Variants in TMTC2 observed in about 807,000 individuals in gnomAD.
TMTC2 encodes transmembrane O-mannosyltransferase targeting cadherins 2.
Under a neutral mutation model 82.4 loss-of-function variants are expected in TMTC2, and 43 were observed. The observed-to-expected ratio is 0.52, with a 90% CI of 0.41 to 0.67. The LOEUF is 0.67. TMTC2 is among the 30% of genes least tolerant of loss of function. The probability of loss-of-function intolerance (pLI) is 0.00; values close to 1 mark genes in which losing one functional copy is unlikely to be tolerated. For synonymous variants in TMTC2, 408 were observed against 381.9 expected (o/e 1.07, Z -0.80); for missense variants, 919 against 1,012.4 (o/e 0.91, Z 1.25).
intron 2 of TMTC2, among the ~76,000 whole-genome samples, chr12:82,882,396 T>C (rs143506675): frequency 9.8e-5 from 15 of 152,302 alleles, no homozygotes; most frequent in Middle Eastern, 3.4e-3. Flanking sequence ...AACTAAATAG[T>C]ACGTACCAAG....
chr12:82,928,411 T>C (rs1361288716), intron 3 of TMTC2, among the ~76,000 whole-genome samples: 2 of 152,196 alleles, frequency 1.3e-5, no homozygotes, highest in Non-Finnish European at 2.9e-5. Context: ...ACCTATGATA[T>C]CACGCCTATT....
chr12:82,926,132 C>G (rs545641694), intron 3 of TMTC2, among the ~76,000 whole-genome samples: 1 of 152,206 alleles, frequency 6.6e-6, no homozygotes, highest in South Asian at 2.1e-4. Flanking sequence ...AGGCGTGTGC[C>G]AACACACCCA....
chr12:82,807,295 G>A (rs1248373317), intron 1 of TMTC2, among the ~76,000 whole-genome samples: 1 of 152,090 alleles, frequency 6.6e-6, no homozygotes, highest in Non-Finnish European at 1.5e-5. Context: ...TTCCTTGACA[G>A]AAGACTGGAG....
At chr12:82,982,276 C>T (rs141820073) in intron 7 of TMTC2, among the ~76,000 whole-genome samples, 319 of 151,938 alleles carry the variant, frequency 2.1e-3, no homozygotes, top group Middle Eastern at 0.01. Context: ...TGTCTTCATT[C>T]ATAAAATGGG....
intron 1 of TMTC2, among the ~76,000 whole-genome samples, chr12:82,752,180 C>T (rs115102351): frequency 0.019 from 2,301 of 119,046 alleles, 64 homozygotes; most frequent in African/African-American, 0.066. Context: ...AAGGCTTTCT[C>T]GTTGCTTATA....
chr12:82,869,492 A>G (rs1872054000), intron 2 of TMTC2, among the ~76,000 whole-genome samples: 1 of 152,154 alleles, frequency 6.6e-6, no homozygotes, highest in Non-Finnish European at 1.5e-5. Flanking sequence ...ATATTTTTAT[A>G]GCTGGAATGG....
At chr12:83,000,542 C>T (rs1305162899) in intron 8 of TMTC2, among the ~76,000 whole-genome samples, 2 of 152,188 alleles carry the variant, frequency 1.3e-5, no homozygotes, top group African/African-American at 4.8e-5. Context: ...GCAGCTCCAC[C>T]CGTGTGACTG....
chr12:83,051,741 T>A (rs1882355206), intron 10 of TMTC2, among the ~76,000 whole-genome samples: 1 of 152,144 alleles, frequency 6.6e-6, no homozygotes, highest in South Asian at 2.1e-4. Flanking sequence ...CACTATTGCT[T>A]TGTCATGAAA....
chr12:82,930,624 A>G, intron 4 of TMTC2, 79 bp downstream of exon 4: 3 of 801,270 alleles, frequency 3.7e-6, no homozygotes, highest in Non-Finnish European at 4.1e-6. Flanking sequence ...ACTGCTGGAA[A>G]TGGAGATGAT....
intron 1 of TMTC2, among the ~76,000 whole-genome samples, chr12:82,779,166 C>A (rs189132661): frequency 1.3e-5 from 2 of 151,742 alleles, no homozygotes; most frequent in Non-Finnish European, 2.9e-5. Context: ...GGAATCCCAA[C>A]ATCACGGCAG....
At chr12:82,804,612 G>A (rs1879159393) in intron 1 of TMTC2, among the ~76,000 whole-genome samples, 1 of 151,888 alleles carries the variant, frequency 6.6e-6, no homozygotes, top group Admixed American at 6.6e-5. Context: ...ATATAAAAGG[G>A]CTTTCTACAA....
intron 2 of TMTC2, among the ~76,000 whole-genome samples, chr12:82,891,229 A>T (rs1873377649): frequency 6.6e-6 from 1 of 152,238 alleles, no homozygotes; most frequent in African/African-American, 2.4e-5. Context: ...TTTTAAGGCC[A>T]TCTCCACAAG....
chr12:82,819,497 C>CT (rs766912583), intron 1 of TMTC2, among the ~76,000 whole-genome samples: 4,751 of 118,156 alleles, frequency 0.04, 197 homozygotes, highest in African/African-American at 0.094. Flanking sequence ...TTCTCTCTTT[C>CT]TTTTTTTTTT....
chr12:82,951,162 T>C (rs1006938685), intron 4 of TMTC2, among the ~76,000 whole-genome samples: 6 of 152,258 alleles, frequency 3.9e-5, no homozygotes, highest in Non-Finnish European at 5.9e-5. Context: ...AATAGAATCA[T>C]GTGCCCTTAT....
intron 3 of TMTC2, among the ~76,000 whole-genome samples, chr12:82,905,387 T>TTGATTTAAAAAAATA (rs1211130610): frequency 1.3e-5 from 2 of 152,188 alleles, no homozygotes; most frequent in African/African-American, 4.8e-5. Context: ...CTATGTCAAT[T>TTGATTTAAAAAAATA]TGATTTAAAA....
rs577641815 is a variant in TMTC2, at chr12:82,843,807, G to T, written c.84-13203G>T. Among the ~76,000 whole-genome samples, 105 of 152,160 alleles carry T rather than the reference G, an allele frequency of 6.9e-4. 1 individual carries two copies. The highest frequency in any genetic ancestry group is 8.4e-4 in the Non-Finnish European group (57 of 67,994). ...TACTAAAAATACAAAAATTAGACGGGTCTGGTGGCAGGCGCCTGCAGTGCC... is the reference window on the plus strand; with the variant it reads ...TACTAAAAATACAAAAATTAGACGGTTCTGGTGGCAGGCGCCTGCAGTGCC... On this transcript the variant is annotated intron_variant, in intron 1 of 11. Transcript: ENST00000321196.
chr12:82,821,298 C>T (rs571413547), intron 1 of TMTC2, among the ~76,000 whole-genome samples: 1 of 152,312 alleles, frequency 6.6e-6, no homozygotes, highest in Non-Finnish European at 1.5e-5. Flanking sequence ...ATAAGCATCT[C>T]ACAAAAGTCC....
chr12:82,787,071 G>C (rs902919889), intron 1 of TMTC2, among the ~76,000 whole-genome samples: 1 of 152,000 alleles, frequency 6.6e-6, no homozygotes, highest in Non-Finnish European at 1.5e-5. Context: ...TTGTGTTTTC[G>C]TTGGGGGCTA....
intron 7 of TMTC2, among the ~76,000 whole-genome samples, chr12:82,982,247 C>T (rs1592673264): frequency 6.6e-6 from 1 of 151,738 alleles, no homozygotes; most frequent in Admixed American, 6.6e-5. Flanking sequence ...GTGCAAGTCA[C>T]CAATCATTCC....
Sources: gnomAD v4.1 joint callset for allele counts (sites outside exome capture counted in the v4.1 genomes callset) on GRCh38, gnomAD v4.1.1 for gene constraint, MANE v1.5 for transcripts, NCBI Gene and HGNC (gene_info 2026-07-23, HGNC 2026-07-21) for gene names.